PANK2: variants seen among roughly 807,000 people sequenced by gnomAD.
The protein encoded by PANK2 is pantothenate kinase 2, mitochondrial.
In PANK2, 36 loss-of-function variants were observed where a neutral mutation model predicts 43.1. The observed-to-expected ratio is 0.84, with a 90% CI of 0.64 to 1.10. PANK2 has a LOEUF of 1.10. Ranked by LOEUF, PANK2 falls within the 50% of genes least tolerant of loss-of-function variation. The pLI, the probability that PANK2 is intolerant of heterozygous loss-of-function variation, is 0.00. For synonymous variants in PANK2, 281 were observed against 238.2 expected, an observed-to-expected ratio of 1.18 and a Z score of -1.66; for missense variants, 576 against 593.3, an observed-to-expected ratio of 0.97 and a Z score of 0.30.
intron 4 of PANK2, among the ~76,000 whole-genome samples, chr20:3,912,930 CAAAAAAAAAAAA>C (rs71331078): frequency 4.5e-4 from 32 of 71,472 alleles, no homozygotes; most frequent in South Asian, 7.7e-4. Flanking sequence ...GACTCTGTCT[CAAAAAAAAAAAA>C]AAAAAAAAAA....
intron 5 of PANK2, 150 bp downstream of exon 5, chr20:3,917,200 A>G: frequency 1.1e-6 from 1 of 886,894 alleles, no homozygotes; most frequent in South Asian, 1.6e-5. Context: ...TCAAATACAG[A>G]TTAATCTTCT....
At chr20:3,903,550 T>G (rs2146847719) in intron 1 of PANK2, among the ~76,000 whole-genome samples, 1 of 142,932 alleles carries the variant, frequency 7.0e-6, no homozygotes, top group South Asian at 2.3e-4. Context: ...AACTGTAACC[T>G]CTGCCTCCTG....
Position 3,924,499 on chromosome 20 carries a change from T to A in PANK2, c.*1205T>A, listed in dbSNP as rs1568591388. The A allele has an allele frequency of 6.6e-6, 1 of 152,366 alleles. No homozygotes were observed. Among genetic ancestry groups the A allele is most frequent in the Admixed American group, 6.5e-5 (1 of 15,272 alleles). 9.4% of individuals were successfully genotyped at this position (152,366 alleles called of 1,614,324 possible). On this transcript the variant is annotated 3_prime_UTR_variant, in exon 7 of 7. Coordinates refer to ENST00000610179, the MANE Select transcript of PANK2 (RefSeq NM_001386393.1). ...AGCTGGGGCAAGGGGAACTGATATG[T>A]GGGCTGTGGGCTGTTCCACTAGGCG...
intron 1 of PANK2, among the ~76,000 whole-genome samples, chr20:3,892,355 A>C (rs1005420736): frequency 6.6e-6 from 1 of 151,910 alleles, no homozygotes; most frequent in East Asian, 1.9e-4. Context: ...AAAAAACAAA[A>C]AAAAAGGAGA....
Position 3,923,430 on chromosome 20 carries a change from C to T in PANK2, c.*136C>T. The T allele has an allele frequency of 1.1e-6, 1 of 943,832 alleles. No homozygotes were observed. Among genetic ancestry groups the T allele is most frequent in the South Asian group, 1.4e-5 (1 of 69,576 alleles). The allele number at this position is 943,832 out of a possible 1,614,324, so 58.5% of individuals were successfully genotyped here. On this transcript the variant is annotated 3_prime_UTR_variant, in exon 7 of 7. Coordinates refer to ENST00000610179, the MANE Select transcript of PANK2 (RefSeq NM_001386393.1). ...AAAGGACAGGTGTATTTTTCTAAGT[C>T]ATCAAGATAAATCCTTAAGAATTCA...
rs2090280508 is a variant in PANK2, at chr20:3,900,304, G to C, written c.299-7622G>C. The stretch of plus-strand genomic sequence containing the variant: ...ACTCTCCTTTCCCCTGTAGGGAAAG[G>C]AAGGGGCGTGATTGTCTGGAGGGGC... On this transcript the variant is annotated intron_variant, in intron 1 of 6. Coordinates refer to ENST00000610179, the MANE Select transcript of PANK2 (RefSeq NM_001386393.1). Among the ~76,000 whole-genome samples, 3 of 151,918 alleles carry C rather than the reference G, an allele frequency of 2.0e-5. No individual in the cohort carries two copies. The South Asian group carries it at 6.3e-4, about 32-fold the overall frequency.
At chr20:3,893,604 A>T (rs1282053775) in intron 1 of PANK2, among the ~76,000 whole-genome samples, 3 of 152,160 alleles carry the variant, frequency 2.0e-5, no homozygotes, top group Non-Finnish European at 4.4e-5. Flanking sequence ...CTCGCAAGGC[A>T]TGTTGTAGCA....
intron 1 of PANK2, among the ~76,000 whole-genome samples, chr20:3,906,011 C>T (rs903429084): frequency 2.6e-5 from 4 of 152,012 alleles, no homozygotes; most frequent in Non-Finnish European, 4.4e-5. Flanking sequence ...CCACCGTGCC[C>T]GGCCTAAACC....
rs1173524184 is a variant in PANK2 at position 3,923,413 on chromosome 20, G to A, written c.*119G>A. ...ACCTGAAACAAAGTGAGAAAGGACA[G>A]GTGTATTTTTCTAAGTCATCAAGAT... On this transcript the variant is annotated 3_prime_UTR_variant, in exon 7 of 7. Coordinates refer to ENST00000610179, the MANE Select transcript of PANK2 (RefSeq NM_001386393.1). 1.8e-6 allele frequency: 2 copies of A among 1,091,084 alleles called. No homozygotes were observed. Among genetic ancestry groups the A allele is most frequent in the East Asian group, 4.8e-5 (2 of 41,990 alleles). 67.6% of individuals were successfully genotyped at this position (1,091,084 alleles called of 1,614,324 possible).
chr20:3,895,788 A>G (rs935523063), intron 1 of PANK2, among the ~76,000 whole-genome samples: 1 of 152,072 alleles, frequency 6.6e-6, no homozygotes, highest in African/African-American at 2.4e-5. Context: ...AGTTCGTTAC[A>G]TTTTGTGTGT....
chr20:3,893,435 T>C (rs2090155452), intron 1 of PANK2, among the ~76,000 whole-genome samples: 1 of 152,154 alleles, frequency 6.6e-6, no homozygotes, highest in East Asian at 1.9e-4. Flanking sequence ...AATGTACAAT[T>C]TTGGCAAATG....
chr20:3,907,777 A>G, intron 1 of PANK2, 149 bp from the exon 2 acceptor site: 1 of 680,424 alleles, frequency 1.5e-6, no homozygotes, highest in Non-Finnish European at 2.5e-6. Flanking sequence ...CTAAATCAAG[A>G]CAGAATCACA....
intron 3 of PANK2, 60 bp downstream of exon 3, chr20:3,910,890 G>A (rs2146867756): frequency 6.3e-7 from 1 of 1,586,838 alleles, no homozygotes; most frequent in Non-Finnish European, 8.6e-7. Context: ...GAGTTTTCAG[G>A]TATTACATGT....
chr20:3,921,323 C>A (rs2090643909), intron 6 of PANK2: 1 of 151,892 alleles, frequency 6.6e-6, no homozygotes, highest in South Asian at 2.1e-4. Flanking sequence ...ATTTTCTTGC[C>A]CTCACATTGA....
intron 2 of PANK2, among the ~76,000 whole-genome samples, chr20:3,909,654 A>G (rs2090437984): frequency 6.6e-6 from 1 of 152,012 alleles, no homozygotes; most frequent in Admixed American, 6.5e-5. Context: ...CAGTGGTGCC[A>G]TCTCAGCTCA....
intron 1 of PANK2, among the ~76,000 whole-genome samples, chr20:3,892,113 AT>A (rs1283021060): frequency 1.3e-5 from 2 of 152,172 alleles, no homozygotes; most frequent in African/African-American, 2.4e-5. Context: ...AGGCGGGTGG[AT>A]CACCTGAGGT....
rs2090698373 is a variant in PANK2, at chr20:3,924,891, T to G, written c.*1597T>G. The G allele has an allele frequency of 1.3e-5, 2 of 152,946 alleles. No individual in the cohort carries two copies. The highest frequency in any genetic ancestry group is 4.8e-5 in the African/African-American group (2 of 41,474). 9.5% of individuals were successfully genotyped at this position (152,946 alleles called of 1,614,324 possible). A position where few individuals can be genotyped will look rare whatever the true frequency, so the allele number is the denominator to read the frequency against. On this transcript the variant is annotated 3_prime_UTR_variant, in exon 7 of 7. Coordinates refer to ENST00000610179, the MANE Select transcript of PANK2 (RefSeq NM_001386393.1). The stretch of plus-strand genomic sequence containing the variant: ...TCCCATGGAGACCGAGGCCAGGGCC[T>G]GCCCCTCTGAGGCCCCTGTTTTGTG...
At chr20:3,895,608 G>T (rs187279307) in intron 1 of PANK2, among the ~76,000 whole-genome samples, 12 of 151,856 alleles carry the variant, frequency 7.9e-5, no homozygotes, top group Admixed American at 1.3e-4. Flanking sequence ...TTAAAAGAGC[G>T]GTGATGTTTT....
chr20:3,902,516 C>T (rs2090318003), intron 1 of PANK2, among the ~76,000 whole-genome samples: 2 of 150,766 alleles, frequency 1.3e-5, no homozygotes, highest in Non-Finnish European at 1.5e-5. Flanking sequence ...TGACCTCAAG[C>T]GATCCACCCA....
Sources: gnomAD v4.1 joint callset for allele counts (sites outside exome capture counted in the v4.1 genomes callset) on GRCh38, gnomAD v4.1.1 for gene constraint, MANE v1.5 for transcripts, NCBI Gene and HGNC (gene_info 2026-07-23, HGNC 2026-07-21) for gene names.